The following FAM169A variants were observed in gnomAD, a reference collection of about 807,000 sequenced individuals.
The protein encoded by FAM169A is soluble lamin-associated protein of 75 kDa.
FAM169A carries 24 observed loss-of-function variants against 75.7 expected under a neutral mutation model. The ratio of observed to expected loss-of-function variants is 0.32; its 90% CI spans 0.23 to 0.45. The LOEUF is 0.45. FAM169A is among the 20% of genes least tolerant of loss of function. The pLI is 1.00. For missense variants in FAM169A, 673 were observed against 784.0 expected, an observed-to-expected ratio of 0.86 and a Z score of 1.69; for synonymous variants, 271 against 271.0, an observed-to-expected ratio of 1.00 and a Z score of 0.00.
chr5:74,854,828 G>A (rs1749626265), intron 1 of FAM169A, among the ~76,000 whole-genome samples: 1 of 152,296 alleles, frequency 6.6e-6, no homozygotes, highest in South Asian at 2.1e-4. Context: ...TTGTGCATAT[G>A]TACCATATTT....
At chr5:74,824,718 CACACACACACAT>C (rs1022882578) in intron 5 of FAM169A, among the ~76,000 whole-genome samples, 3 of 151,484 alleles carry the variant, frequency 2.0e-5, no homozygotes, top group Non-Finnish European at 4.4e-5. Context: ...TACACACACA[CACACACACACAT>C]ACACACACAC....
chr5:74,838,610 A>C (rs546182990), intron 4 of FAM169A, among the ~76,000 whole-genome samples: 2 of 152,308 alleles, frequency 1.3e-5, no homozygotes, highest in South Asian at 4.2e-4. Context: ...CCCTACTAAT[A>C]AACAAGTTTC....
chr5:74,845,323 C>G (rs1303581661), intron 1 of FAM169A, among the ~76,000 whole-genome samples: 1 of 152,068 alleles, frequency 6.6e-6, no homozygotes. Context: ...TCGAGACCAT[C>G]CTGGCTAACA....
At chr5:74,848,161 A>C (rs1420670425) in intron 1 of FAM169A, among the ~76,000 whole-genome samples, 1 of 152,194 alleles carries the variant, frequency 6.6e-6, no homozygotes, top group African/African-American at 2.4e-5. Context: ...TCTCAGTGCT[A>C]AATTTTATTC....
intron 12 of FAM169A, 81 bp from the exon 13 acceptor site, chr5:74,782,089 C>A: frequency 9.4e-7 from 1 of 1,064,552 alleles, no homozygotes. Context: ...TATGCAGTGA[C>A]ACTGAACTAG....
chr5:74,789,943 C>G (rs578166166), intron 11 of FAM169A, among the ~76,000 whole-genome samples: 1 of 152,226 alleles, frequency 6.6e-6, no homozygotes, highest in African/African-American at 2.4e-5. Flanking sequence ...ATCAAGTCAC[C>G]ATGTGACCTG....
chr5:74,818,803 C>CTCTCTATA (rs1451956898), intron 5 of FAM169A, among the ~76,000 whole-genome samples: 6 of 121,620 alleles, frequency 4.9e-5, no homozygotes, highest in African/African-American at 2.1e-4. Flanking sequence ...CTCTCTCTCT[C>CTCTCTATA]TATATATATA....
At chr5:74,812,803 T>A (rs1747271983) in intron 6 of FAM169A, among the ~76,000 whole-genome samples, 1 of 152,186 alleles carries the variant, frequency 6.6e-6, no homozygotes. Flanking sequence ...AATATACAGA[T>A]AACAAATGTT....
Position 74,805,128 on chromosome 5 carries a change from CT to C in FAM169A, c.799+27del, listed in dbSNP as rs753950429. ...GGCTACCAAAAATAAATAAACTGAA[CT>C]TATGTTCAAACTGAAAACACTCTTA... On this transcript the variant is annotated intron_variant, in intron 7 of 12. Transcript: ENST00000687041. 6 of 1,606,960 alleles carry C rather than the reference CT, an allele frequency of 3.7e-6. No homozygotes were observed. The Admixed American group carries it at 5.0e-5, about 13-fold the overall frequency.
intron 11 of FAM169A, among the ~76,000 whole-genome samples, chr5:74,784,694 G>A (rs1340160240): frequency 5.3e-5 from 8 of 149,932 alleles, no homozygotes; most frequent in South Asian, 2.1e-4. Context: ...CGAGGCGGGC[G>A]GATCACAAGG....
intron 4 of FAM169A, among the ~76,000 whole-genome samples, chr5:74,835,403 A>C (rs1748520250): frequency 6.6e-6 from 1 of 151,968 alleles, no homozygotes; most frequent in South Asian, 2.1e-4. Context: ...GTTTGAGACC[A>C]GCCTGGGCAA....
rs747823067 is a variant in FAM169A, at chr5:74,782,942, C to T, written c.1453G>A (p.Ala485Thr). 2 of 1,610,818 alleles carry T rather than the reference C, an allele frequency of 1.2e-6. No individual in the cohort carries two copies. Among genetic ancestry groups the T allele is most frequent in the East Asian group, 4.5e-5 (2 of 44,816 alleles). Reference protein sequence around the residue: ...VESSKPPEVDAPDKTPRIPDS... With the variant: ...VESSKPPEVDTPDKTPRIPDS... The stretch of plus-strand genomic sequence containing the variant: ...CATTGCCCCCTTACCTTATCTGGTG[C>T]ATCTACCTCAGGGGGTTTTGAAGAT... The change falls in exon 12 of 13, where the codon GCA (alanine) becomes ACA (threonine). Residue 485 changes from alanine (A) to threonine (T), a missense_variant. Coordinates refer to ENST00000687041, the MANE Select transcript of FAM169A (RefSeq NM_001376049.1).
intron 5 of FAM169A, among the ~76,000 whole-genome samples, chr5:74,830,219 T>C (rs967224227): frequency 6.6e-6 from 1 of 152,170 alleles, no homozygotes; most frequent in Non-Finnish European, 1.5e-5. Context: ...GATGGGGAAC[T>C]TGCAACTTGA....
intron 1 of FAM169A, among the ~76,000 whole-genome samples, chr5:74,842,440 A>AT (rs1201114079): frequency 2.0e-5 from 3 of 148,208 alleles, no homozygotes; most frequent in Non-Finnish European, 4.5e-5. Flanking sequence ...AAAAAAAAAA[A>AT]AAAAAAAAAA....
intron 5 of FAM169A, among the ~76,000 whole-genome samples, chr5:74,822,350 T>A (rs1463412885): frequency 6.6e-6 from 1 of 152,222 alleles, no homozygotes; most frequent in Non-Finnish European, 1.5e-5. Flanking sequence ...CATGTAGTTG[T>A]AACAGTGACT....
chr5:74,828,552 T>C (rs1317882303), intron 5 of FAM169A, among the ~76,000 whole-genome samples: 1 of 152,174 alleles, frequency 6.6e-6, no homozygotes, highest in South Asian at 2.1e-4. Flanking sequence ...GGGGTAACTG[T>C]CCAGCTGTGC....
At chr5:74,845,366 A>C (rs1293052803) in intron 1 of FAM169A, among the ~76,000 whole-genome samples, 1 of 151,988 alleles carries the variant, frequency 6.6e-6, no homozygotes, top group Non-Finnish European at 1.5e-5. Context: ...AAAACACAAA[A>C]AATTAGCCGG....
At chr5:74,782,130 G>T (rs1051696525) in intron 12 of FAM169A, 122 bp from the exon 13 acceptor site, 1 of 750,026 alleles carries the variant, frequency 1.3e-6, no homozygotes, top group Non-Finnish European at 2.1e-6. Context: ...ACTCAAAATC[G>T]AGTATTTTTT....
At chr5:74,856,358 G>A (rs1350101425) in intron 1 of FAM169A, among the ~76,000 whole-genome samples, 1 of 152,064 alleles carries the variant, frequency 6.6e-6, no homozygotes. Flanking sequence ...CATTGAATCT[G>A]TAGATTGCTT....
Sources: allele counts gnomAD v4.1 joint callset (sites outside exome capture counted in the v4.1 genomes callset), GRCh38; gene constraint gnomAD v4.1.1; transcripts MANE v1.5; gene names NCBI Gene and HGNC (gene_info 2026-07-23, HGNC 2026-07-21).